The following GORAB variants were observed in gnomAD, a reference collection of about 807,000 sequenced individuals.
GORAB encodes RAB6-interacting golgin.
In GORAB, 17 loss-of-function variants were observed where a neutral mutation model predicts 29.9. That is an observed-to-expected ratio of 0.57 (90% CI 0.39 to 0.85). GORAB has a LOEUF of 0.85. GORAB is among the 40% of genes least tolerant of loss of function. The pLI is 0.00. For synonymous variants in GORAB, 183 were observed against 157.2 expected (o/e 1.16, Z -1.23); for missense variants, 442 against 437.8 (o/e 1.01, Z -0.09).
At chr1:170,533,378 G>A (rs963422927) in intron 1 of GORAB, 8 of 301,096 alleles carry the variant, frequency 2.7e-5, no homozygotes, top group African/African-American at 1.7e-4. Context: ...GCTAAGCTAT[G>A]TAGTTAACTG....
intron 1 of GORAB, among the ~76,000 whole-genome samples, chr1:170,534,112 A>C (rs1648894474): frequency 6.6e-6 from 1 of 152,226 alleles, no homozygotes. Context: ...AGTCTTGTTT[A>C]TAATATTAAG....
rs1650149911 is a variant in GORAB at position 170,552,084 on chromosome 1, A to G, written c.732A>G (p.Ile244Met). Residue 244 changes from isoleucine (I) to methionine (M), a missense_variant, in exon 5 of 5, where the codon ATA (isoleucine) becomes ATG (methionine). Physicochemically the swap from Ile to Met is conservative, Grantham distance 10 (BLOSUM62 1). Coordinates refer to ENST00000367763, the MANE Select transcript of GORAB (RefSeq NM_152281.3). The part of the protein sequence containing the change: ...AKLDIQRKTE[I>M]KEQLTEHLCT... Reference sequence around the variant, plus strand: ...TAGATATACAGCGCAAGACTGAGATAAAAGAGCAACTCACTGAACACCTTT... The same window carrying G: ...TAGATATACAGCGCAAGACTGAGATGAAAGAGCAACTCACTGAACACCTTT... 7.4e-6 allele frequency: 12 copies of G among 1,613,964 alleles called. No individual in the cohort carries two copies. The highest frequency in any genetic ancestry group is 2.2e-5 in the East Asian group (1 of 44,894).
chr1:170,552,553 A>G lies in GORAB; in HGVS notation c.*91A>G. ...CCTGACCTCCAATAAAAACCTCTTT[A>G]AAACAATGCTGATTTTTGAATTCAT... On this transcript the variant is annotated 3_prime_UTR_variant, in exon 5 of 5. Coordinates refer to ENST00000367763, the MANE Select transcript of GORAB (RefSeq NM_152281.3). 9.5e-7 allele frequency: 1 copy of G among 1,049,572 alleles called. No individual in the cohort carries two copies. 65.0% of individuals were successfully genotyped at this position (1,049,572 alleles called of 1,614,324 possible). A position where few individuals can be genotyped will look rare whatever the true frequency, so the allele number is the denominator to read the frequency against.
intron 4 of GORAB, 65 bp downstream of exon 4, chr1:170,544,910 C>A: frequency 2.5e-6 from 4 of 1,573,350 alleles, no homozygotes; most frequent in Non-Finnish European, 3.5e-6. Context: ...GCCAGCTGTT[C>A]CAGGGGCTTT....
intron 4 of GORAB, among the ~76,000 whole-genome samples, chr1:170,546,986 T>G (rs890201611): frequency 2.6e-5 from 4 of 152,078 alleles, no homozygotes; most frequent in Non-Finnish European, 5.9e-5. Flanking sequence ...CGCCTGGCCA[T>G]GTGCTGCTAT....
chr1:170,543,426 G>A (rs909456004), intron 3 of GORAB, among the ~76,000 whole-genome samples: 1 of 151,934 alleles, frequency 6.6e-6, no homozygotes, highest in Non-Finnish European at 1.5e-5. Context: ...ATGTGTAGGG[G>A]CAGGAGAAGA....
chr1:170,547,403 GCTGCTGCTGCTA>G (rs1168181421), intron 4 of GORAB, among the ~76,000 whole-genome samples: 1 of 103,174 alleles, frequency 9.7e-6, no homozygotes, highest in Non-Finnish European at 2.1e-5. Context: ...AGTTGCTGCT[GCTGCTGCTGCTA>G]CTGCTGCTAC....
chr1:170,541,723 A>G (rs757195309), intron 2 of GORAB, among the ~76,000 whole-genome samples: 2 of 152,232 alleles, frequency 1.3e-5, no homozygotes, highest in African/African-American at 2.4e-5. Flanking sequence ...TTAGAATTGG[A>G]CAGATTGTAA....
In GORAB at chr1:170,539,356, A is replaced by G. The variant is rs139675053; in HGVS notation, c.208A>G (p.Lys70Glu). Residue 70 changes from lysine to glutamate, a missense_variant, in exon 2 of 5, where the codon AAA (lysine) becomes GAA (glutamate). Lys to Glu is a moderately conservative substitution (Grantham distance 56). Transcript: ENST00000367763. ...LLPEQLLSAP[K>E]QRVNVQKPPF... The stretch of plus-strand genomic sequence containing the variant: ...TCCAGAGCAGCTGCTTTCAGCACCA[A>G]AACAGAGAGTTAACGTTCAAAAACC... The G allele has an allele frequency of 2.9e-5, 47 of 1,614,154 alleles. 1 individual carries two copies. In the Middle Eastern group the frequency reaches 6.6e-4, roughly 23 times the overall value.
Position 170,552,636 on chromosome 1 carries a change from T to A in GORAB, c.*174T>A. The stretch of plus-strand genomic sequence containing the variant: ...TTCTAAAATCCAAAATTATGATAAC[T>A]GTATTTCTAGGGGTATGTTTCACCT... On this transcript the variant is annotated 3_prime_UTR_variant, in exon 5 of 5. Coordinates refer to ENST00000367763, the MANE Select transcript of GORAB (RefSeq NM_152281.3). 1 of 680,572 alleles carries A rather than the reference T, an allele frequency of 1.5e-6. No homozygotes were observed. Among genetic ancestry groups the A allele is most frequent in the Non-Finnish European group, 2.7e-6 (1 of 376,726 alleles). 42.2% of individuals were successfully genotyped at this position (680,572 alleles called of 1,614,324 possible).
At position 170,542,490 on chromosome 1, in the gene GORAB, G is replaced by A; in HGVS notation, c.420-1G>A. 4 of 1,610,326 alleles carry A rather than the reference G, an allele frequency of 2.5e-6. No homozygotes were observed. Among genetic ancestry groups the A allele is most frequent in the Non-Finnish European group, 3.4e-6 (4 of 1,176,930 alleles). ...ATTTTTATGCTTTTTTTGCCCCCTA[G>A]GCAAGAAAAATCTCGTTGGGAAGTC... On this transcript the variant is annotated splice_acceptor_variant, in intron 2 of 4. Coordinates refer to ENST00000367763, the MANE Select transcript of GORAB (RefSeq NM_152281.3). LOFTEE classifies it high-confidence loss of function.
chr1:170,534,242 G>A (rs1648904953), intron 1 of GORAB, among the ~76,000 whole-genome samples: 1 of 152,212 alleles, frequency 6.6e-6, no homozygotes, highest in Non-Finnish European at 1.5e-5. Context: ...GTAGCCACAT[G>A]CATTAAAATG....
At chr1:170,539,758 G>C in intron 2 of GORAB, 191 bp downstream of exon 2, 1 of 611,546 alleles carries the variant, frequency 1.6e-6, no homozygotes, top group South Asian at 2.1e-5. Context: ...CAGGCATTCT[G>C]TATGTTTTAT....
chr1:170,532,527 A>C, intron 1 of GORAB: 1 of 501,700 alleles, frequency 2.0e-6, no homozygotes. Context: ...CACTGTAGGG[A>C]TTTGACTCTT....
intron 3 of GORAB, among the ~76,000 whole-genome samples, chr1:170,543,665 ATAAT>A (rs984456658): frequency 3.3e-5 from 5 of 151,938 alleles, no homozygotes; most frequent in African/African-American, 7.2e-5. Flanking sequence ...TTATTTAAAA[ATAAT>A]TAAAGCATTT....
chr1:170,543,263 T>C (rs1470745685), intron 3 of GORAB, among the ~76,000 whole-genome samples: 1 of 152,248 alleles, frequency 6.6e-6, no homozygotes, highest in African/African-American at 2.4e-5. Context: ...TTGCTGAGTT[T>C]GTAGTTTCTG....
At chr1:170,550,520 T>C (rs1034394240) in intron 4 of GORAB, among the ~76,000 whole-genome samples, 1 of 152,244 alleles carries the variant, frequency 6.6e-6, no homozygotes, top group Non-Finnish European at 1.5e-5. Context: ...CCTGAGCTAG[T>C]TTGACTGGAT....
At chr1:170,546,010 A>G (rs968769111) in intron 4 of GORAB, among the ~76,000 whole-genome samples, 3 of 152,208 alleles carry the variant, frequency 2.0e-5, no homozygotes, top group African/African-American at 7.2e-5. Context: ...TCTCTGTAAC[A>G]TAAGTTTGCC....
At chr1:170,535,425 T>G (rs1649000147) in intron 1 of GORAB, among the ~76,000 whole-genome samples, 1 of 152,244 alleles carries the variant, frequency 6.6e-6, no homozygotes. Context: ...CTGTCAATTT[T>G]TAGTTAAATT....
Sources: allele counts gnomAD v4.1 joint callset (sites outside exome capture counted in the v4.1 genomes callset), GRCh38; gene constraint gnomAD v4.1.1; transcripts MANE v1.5; gene names NCBI Gene and HGNC (gene_info 2026-07-23, HGNC 2026-07-21).